Variants in FREM1 observed in about 807,000 individuals in gnomAD.
The protein encoded by FREM1 is FRAS1 related extracellular matrix 1, also known as FRAS1-related extracellular matrix protein 1.
In FREM1, 220 loss-of-function variants were observed where a neutral mutation model predicts 210.1. The observed-to-expected ratio is 1.05, with a 90% CI of 0.94 to 1.17. The LOEUF (loss-of-function observed/expected upper bound fraction) is 1.17. Among genes scored for constraint, FREM1 ranks in the 50% most tolerant of loss-of-function variants. The pLI, the probability that FREM1 is intolerant of heterozygous loss-of-function variation, is 0.00. For synonymous variants in FREM1, 1,189 were observed against 980.2 expected (o/e 1.21, Z -3.98); for missense variants, 3,454 against 2,675.5 (o/e 1.29, Z -6.42).
chr9:14,770,604 C>T lies in FREM1; in HGVS notation c.5059+1G>A, dbSNP rs764474893. 24 of 1,607,700 alleles carry T rather than the reference C, an allele frequency of 1.5e-5. No homozygotes were observed. In the South Asian group the frequency reaches 2.5e-4, roughly 17 times the overall value. ...ATTGTAAGGATTAAGGAGGCCAGTA[C>T]CTGTTGTTGTGTTCTCCAGATGTCC... On this transcript the variant is annotated splice_donor_variant, in intron 26 of 36. Coordinates refer to ENST00000380880, the MANE Select transcript of FREM1 (RefSeq NM_001379081.2). LOFTEE classifies it high-confidence loss of function.
At position 14,892,326 on chromosome 9, in the gene FREM1, A is replaced by G. The variant is rs142142843; in HGVS notation, c.-268+17588T>C. ...ACACACAAATTGGCTGACTTTGGGT[A>G]GGTGGGGTGCATTTACCAGAGTAAA... On this transcript the variant is annotated intron_variant, in intron 1 of 36. Coordinates refer to ENST00000380880, the MANE Select transcript of FREM1 (RefSeq NM_001379081.2). Among the ~76,000 whole-genome samples the G allele has an allele frequency of 2.9e-3, 449 of 152,280 alleles. 1 individual carries two copies. The highest frequency in any genetic ancestry group is 0.01 in the African/African-American group (428 of 41,564).
rs202191026 is a variant in FREM1 at position 14,851,558 on chromosome 9, T to C, written c.878A>G (p.Gln293Arg). The change falls in exon 6 of 37, where the codon CAG becomes CGG. Residue 293 changes from glutamine (Q) to arginine (R), a missense_variant. Coordinates refer to ENST00000380880, the MANE Select transcript of FREM1 (RefSeq NM_001379081.2). ...PVYIRAGIPN[Q>R]IPKAAFMAVF... The stretch of plus-strand genomic sequence containing the variant: ...GGCCATGAATGCAGCCTTTGGAATC[T>C]GATTCGGAATTCCAGCTCTGATATA... 6.2e-6 allele frequency: 10 copies of C among 1,613,862 alleles called. No homozygotes were observed. Among genetic ancestry groups the C allele is most frequent in the Non-Finnish European group, 8.5e-6 (10 of 1,179,856 alleles).
At chr9:14,839,812 A>C (rs1394643715) in intron 10 of FREM1, among the ~76,000 whole-genome samples, 1 of 152,240 alleles carries the variant, frequency 6.6e-6, no homozygotes, top group East Asian at 1.9e-4. Context: ...TCCTAGTCAG[A>C]AACATAACTC....
chr9:14,759,941 G>A (rs1337673762), intron 27 of FREM1, 40 bp from the exon 28 acceptor site: 3 of 1,545,386 alleles, frequency 1.9e-6, no homozygotes, highest in African/African-American at 1.4e-5. Flanking sequence ...AGAATGCATA[G>A]TATATGCCTA....
chr9:14,778,607 CAAAAAAAA>C (rs1169611171), intron 24 of FREM1, among the ~76,000 whole-genome samples: 1 of 31,244 alleles, frequency 3.2e-5, no homozygotes, highest in African/African-American at 1.3e-4. Context: ...GAACCTGTCT[CAAAAAAAA>C]AAAAAAAAAA....
intron 14 of FREM1, among the ~76,000 whole-genome samples, chr9:14,818,266 G>C (rs1377188579): frequency 6.6e-6 from 1 of 152,218 alleles, no homozygotes; most frequent in East Asian, 1.9e-4. Flanking sequence ...CTATCTAACA[G>C]ACAGCTGAGA....
intron 22 of FREM1, 33 bp downstream of exon 22, chr9:14,792,710 A>T: frequency 1.3e-6 from 2 of 1,533,714 alleles, no homozygotes; most frequent in Non-Finnish European, 1.8e-6. Context: ...CTGCTACGTT[A>T]GTTTTGAAAA....
chr9:14,792,090 A>G (rs185995880), intron 22 of FREM1, among the ~76,000 whole-genome samples: 16 of 152,214 alleles, frequency 1.1e-4, no homozygotes, highest in East Asian at 1.9e-4. Context: ...TGATCCGCCC[A>G]CCTTGGCCTC....
intron 20 of FREM1, among the ~76,000 whole-genome samples, chr9:14,801,193 T>A (rs1325968593): frequency 6.6e-6 from 1 of 152,190 alleles, no homozygotes; most frequent in Non-Finnish European, 1.5e-5. Flanking sequence ...AGACAGGGTT[T>A]CACCATGTTG....
chr9:14,874,628 C>T (rs1833346767), intron 1 of FREM1, among the ~76,000 whole-genome samples: 1 of 151,754 alleles, frequency 6.6e-6, no homozygotes, highest in Non-Finnish European at 1.5e-5. Flanking sequence ...TCCAATTTGC[C>T]AGTCTGTGTC....
intron 27 of FREM1, among the ~76,000 whole-genome samples, chr9:14,761,071 C>G (rs1429623217): frequency 6.6e-6 from 1 of 152,002 alleles, no homozygotes; most frequent in Non-Finnish European, 1.5e-5. Context: ...ATTATAATTT[C>G]TTTCTTTTTT....
chr9:14,907,707 T>C (rs557117258), intron 1 of FREM1, among the ~76,000 whole-genome samples: 1 of 152,294 alleles, frequency 6.6e-6, no homozygotes, highest in South Asian at 2.1e-4. Flanking sequence ...AAAAAATACA[T>C]CTGAAAATTT....
chr9:14,899,552 G>C (rs1398648170), intron 1 of FREM1, among the ~76,000 whole-genome samples: 3 of 152,182 alleles, frequency 2.0e-5, no homozygotes. Context: ...ATGTGCAGGA[G>C]GATACAGCAA....
At chr9:14,822,658 T>A (rs954934624) in intron 13 of FREM1, among the ~76,000 whole-genome samples, 2 of 152,144 alleles carry the variant, frequency 1.3e-5, no homozygotes, top group Non-Finnish European at 2.9e-5. Context: ...GCCTTTGTAG[T>A]TCGGTTTTAA....
chr9:14,764,684 T>C (rs961130821), intron 27 of FREM1, among the ~76,000 whole-genome samples: 1 of 152,186 alleles, frequency 6.6e-6, no homozygotes, highest in Non-Finnish European at 1.5e-5. Context: ...TCTGCAGTGC[T>C]CAGGAGACTC....
In FREM1 at chr9:14,769,707, T is replaced by G. The variant is rs925137139; in HGVS notation, c.5204+17A>C. 1 of 1,611,084 alleles carries G rather than the reference T, an allele frequency of 6.2e-7. No homozygotes were observed. Among genetic ancestry groups the G allele is most frequent in the Non-Finnish European group, 8.5e-7 (1 of 1,178,398 alleles). On this transcript the variant is annotated intron_variant, in intron 27 of 36. Transcript: ENST00000380880. The stretch of plus-strand genomic sequence containing the variant: ...GGATGTAACATATAGGACTACTGAA[T>G]AAGCAAGAGAATTTACATTTGAGGA...
At chr9:14,889,692 C>A (rs1036155547) in intron 1 of FREM1, among the ~76,000 whole-genome samples, 1 of 152,190 alleles carries the variant, frequency 6.6e-6, no homozygotes, top group African/African-American at 2.4e-5. Context: ...GGAGCCCTCC[C>A]TCAGGCTATA....
intron 5 of FREM1, among the ~76,000 whole-genome samples, chr9:14,855,168 T>A (rs1440026133): frequency 6.6e-6 from 1 of 152,062 alleles, no homozygotes; most frequent in African/African-American, 2.4e-5. Flanking sequence ...ATAGGCCTAT[T>A]ATGTTTAGAA....
Position 14,830,977 on chromosome 9 carries a change from G to A in FREM1, c.1882-5985C>T, listed in dbSNP as rs188231011. Among the ~76,000 whole-genome samples the A allele has an allele frequency of 5.3e-5, 8 of 152,250 alleles. No individual in the cohort carries two copies. The East Asian group carries it at 1.5e-3, about 29-fold the overall frequency. On this transcript the variant is annotated intron_variant, in intron 10 of 36. Transcript: ENST00000380880. ...AGGCATCCATCAACCTAGTATATAC[G>A]CTTATTGTTGGCTACCGTACTCAAG...
Sources: gnomAD v4.1 joint callset for allele counts (sites outside exome capture counted in the v4.1 genomes callset) on GRCh38, gnomAD v4.1.1 for gene constraint, MANE v1.5 for transcripts, NCBI Gene and HGNC (gene_info 2026-07-23, HGNC 2026-07-21) for gene names.